The following CDK14 variants were observed in gnomAD, a reference collection of about 807,000 sequenced individuals.
The protein encoded by CDK14 is cyclin dependent kinase 14.
Under a neutral mutation model 60.7 loss-of-function variants are expected in CDK14, and 34 were observed. That is an observed-to-expected ratio of 0.56 (90% confidence interval 0.43 to 0.75). The LOEUF (loss-of-function observed/expected upper bound fraction) is 0.75, where lower values mean the gene tolerates loss of function less well. Ranked by LOEUF, CDK14 falls within the 30% of genes least tolerant of loss-of-function variation. The pLI is 0.00. For synonymous variants in CDK14, 197 were observed against 203.7 expected, an observed-to-expected ratio of 0.97 and a Z score of 0.28; for missense variants, 482 against 564.1, an observed-to-expected ratio of 0.85 and a Z score of 1.47.
intron 10 of CDK14, among the ~76,000 whole-genome samples, chr7:91,027,585 A>G (rs1796608520): frequency 6.6e-6 from 1 of 152,150 alleles, no homozygotes; most frequent in Non-Finnish European, 1.5e-5. Flanking sequence ...TTTGTAGGTG[A>G]AAGTCTGTAC....
chr7:90,683,897 C>CGTGTGT (rs35197919), intron 2 of CDK14, among the ~76,000 whole-genome samples: 11,637 of 145,634 alleles, frequency 0.08, 512 homozygotes, highest in Middle Eastern at 0.17. Flanking sequence ...AGAAAATGTA[C>CGTGTGT]GTGTGTGTGT....
At chr7:91,162,288 A>T (rs2115749648) in intron 14 of CDK14, among the ~76,000 whole-genome samples, 1 of 152,346 alleles carries the variant, frequency 6.6e-6, no homozygotes, top group Admixed American at 6.5e-5. Flanking sequence ...TTGTATGGAA[A>T]GGAAGTAATT....
intron 4 of CDK14, among the ~76,000 whole-genome samples, chr7:90,787,153 A>G (rs1243691225): frequency 7.9e-5 from 12 of 152,300 alleles, no homozygotes; most frequent in Admixed American, 5.9e-4. Flanking sequence ...CTTAGGTTAA[A>G]GAGCAATTTG....
intron 10 of CDK14, among the ~76,000 whole-genome samples, chr7:91,038,644 C>T (rs915691238): frequency 2.0e-5 from 3 of 152,152 alleles, no homozygotes; most frequent in African/African-American, 4.8e-5. Context: ...TGGAAATACA[C>T]GTGTAAAGGC....
At chr7:90,867,542 A>G (rs1791228911) in intron 6 of CDK14, among the ~76,000 whole-genome samples, 2 of 152,196 alleles carry the variant, frequency 1.3e-5, no homozygotes, top group South Asian at 2.1e-4. Flanking sequence ...AAGCATGTGT[A>G]GCAGCATTTT....
Position 91,207,588 on chromosome 7 carries a change from T to C in CDK14, c.*452T>C, listed in dbSNP as rs1013451808. 3.9e-5 allele frequency: 6 copies of C among 152,648 alleles called. No individual in the cohort carries two copies. The highest frequency in any genetic ancestry group is 3.9e-4 in the Admixed American group (6 of 15,284). 9.5% of individuals were successfully genotyped at this position (152,648 alleles called of 1,614,324 possible). A position where few individuals can be genotyped will look rare whatever the true frequency, so the allele number is the denominator to read the frequency against. Reference sequence around the variant, plus strand: ...ACAGAGTGGCATAAAACAATGTGTGTTTTCTTTGAGAGCAGTGCACATTTT... The same window carrying C: ...ACAGAGTGGCATAAAACAATGTGTGCTTTCTTTGAGAGCAGTGCACATTTT... On this transcript the variant is annotated 3_prime_UTR_variant, in exon 15 of 15. Coordinates refer to ENST00000380050, the MANE Select transcript of CDK14 (RefSeq NM_001287135.2).
intron 2 of CDK14, among the ~76,000 whole-genome samples, chr7:90,666,643 T>C (rs2116518651): frequency 6.6e-6 from 1 of 152,348 alleles, no homozygotes; most frequent in Admixed American, 6.5e-5. Context: ...GAACATAGTT[T>C]GGGAAAATGT....
chr7:90,782,693 G>A (rs1293704767), intron 4 of CDK14, among the ~76,000 whole-genome samples: 4 of 152,062 alleles, frequency 2.6e-5, no homozygotes, highest in African/African-American at 7.2e-5. Flanking sequence ...ATTGAATAAG[G>A]GGTGGGATAT....
chr7:90,681,567 A>G (rs1443571021), intron 2 of CDK14, among the ~76,000 whole-genome samples: 3 of 152,208 alleles, frequency 2.0e-5, no homozygotes, highest in African/African-American at 7.2e-5. Context: ...GTTTATGCCC[A>G]TTGTACTTGT....
intron 5 of CDK14, among the ~76,000 whole-genome samples, chr7:90,808,691 G>A (rs866117913): frequency 3.8e-4 from 58 of 152,234 alleles, no homozygotes; most frequent in Middle Eastern, 6.8e-3. Flanking sequence ...AAAGAGTCAA[G>A]ACCCATCAGT....
chr7:90,711,251 T>C (rs1480518411), intron 2 of CDK14, among the ~76,000 whole-genome samples: 1 of 152,090 alleles, frequency 6.6e-6, no homozygotes, highest in Non-Finnish European at 1.5e-5. Context: ...TTTCTTTAAA[T>C]GGTGCAGTGC....
intron 3 of CDK14, among the ~76,000 whole-genome samples, chr7:90,740,300 AAG>A (rs995852446): frequency 6.6e-6 from 1 of 151,106 alleles, no homozygotes; most frequent in South Asian, 2.1e-4. Flanking sequence ...GAAAGAAAGA[AAG>A]AGAAAGAGTG....
chr7:90,601,949 T>TGTATGTAA (rs1162499636), intron 1 of CDK14, among the ~76,000 whole-genome samples: 1 of 151,660 alleles, frequency 6.6e-6, no homozygotes, highest in Non-Finnish European at 1.5e-5. Flanking sequence ...TATGTATGTA[T>TGTATGTAA]GTATGTATGT....
intron 14 of CDK14, among the ~76,000 whole-genome samples, chr7:91,202,162 C>CAA (rs1243221451): frequency 6.6e-6 from 1 of 152,032 alleles, no homozygotes; most frequent in Non-Finnish European, 1.5e-5. Flanking sequence ...AAATTGAATC[C>CAA]AAAAAATATC....
intron 10 of CDK14, among the ~76,000 whole-genome samples, chr7:90,989,001 A>AGAGTGTGT (rs1554399200): frequency 7.3e-5 from 11 of 149,750 alleles, no homozygotes; most frequent in Admixed American, 6.7e-4. Flanking sequence ...TTTGTGTGTG[A>AGAGTGTGT]GTGTGTGTGT....
chr7:90,790,162 C>T (rs974081738), intron 4 of CDK14, among the ~76,000 whole-genome samples: 12 of 150,908 alleles, frequency 8.0e-5, no homozygotes, highest in African/African-American at 2.4e-4. Flanking sequence ...ATTGAATGAC[C>T]TCAGCTAAAG....
rs145326199 is a variant in CDK14 at position 90,793,459 on chromosome 7, T to C, written c.544+2807T>C. 4.9e-3 allele frequency among the ~76,000 whole-genome samples: 747 copies of C among 152,292 alleles called. 3 individuals are homozygous for C. Among genetic ancestry groups the C allele is most frequent in the African/African-American group, 0.016 (675 of 41,560 alleles). ...GTAAAGTGTTAGCTAGGACTTGAAT[T>C]AGGCATAAGATAGAAAAACAGTAAA... is the stretch of plus-strand genomic sequence containing the variant. On this transcript the variant is annotated intron_variant, in intron 5 of 14. Coordinates refer to ENST00000380050, the MANE Select transcript of CDK14 (RefSeq NM_001287135.2).
chr7:90,675,387 G>A (rs900187558), intron 2 of CDK14, among the ~76,000 whole-genome samples: 1 of 105,506 alleles, frequency 9.5e-6, no homozygotes, highest in Admixed American at 1.2e-4. Flanking sequence ...TGCTTTTAAG[G>A]TCTGAATATA....
chr7:90,684,018 T>A (rs879851557), intron 2 of CDK14, among the ~76,000 whole-genome samples: 1 of 149,620 alleles, frequency 6.7e-6, no homozygotes, highest in Admixed American at 6.6e-5. Context: ...TGTGTCCACT[T>A]ATAACCTTAA....
Sources: allele counts gnomAD v4.1 joint callset (sites outside exome capture counted in the v4.1 genomes callset), GRCh38; gene constraint gnomAD v4.1.1; transcripts MANE v1.5; gene names NCBI Gene and HGNC (gene_info 2026-07-23, HGNC 2026-07-21).